The following MAP3K5 variants were observed in gnomAD, a reference collection of about 807,000 sequenced individuals.
The protein encoded by MAP3K5 is mitogen-activated protein kinase kinase kinase 5, also known as ASK-1.
A neutral mutation model predicts 158.7 loss-of-function variants in MAP3K5; 56 were observed. That is an observed-to-expected ratio of 0.35 (90% confidence interval 0.28 to 0.44). The LOEUF (loss-of-function observed/expected upper bound fraction) is 0.44, where lower values mean the gene tolerates loss of function less well. MAP3K5 is among the 20% of genes least tolerant of loss of function. MAP3K5 has a pLI of 1.00. For synonymous variants in MAP3K5, 579 were observed against 601.7 expected, an observed-to-expected ratio of 0.96 and a Z score of 0.55; for missense variants, 1,294 against 1,674.8, an observed-to-expected ratio of 0.77 and a Z score of 3.97.
chr6:136,650,709 A>G (rs1778481968), intron 11 of MAP3K5, among the ~76,000 whole-genome samples: 1 of 152,232 alleles, frequency 6.6e-6, no homozygotes, highest in Non-Finnish European at 1.5e-5. Flanking sequence ...ATGAATTTAC[A>G]AAAGAGAAAT....
intron 18 of MAP3K5, among the ~76,000 whole-genome samples, chr6:136,606,119 A>T (rs1196506039): frequency 6.6e-6 from 1 of 152,160 alleles, no homozygotes; most frequent in Non-Finnish European, 1.5e-5. Flanking sequence ...TTGGGAGGCC[A>T]AGGCAGACGG....
chr6:136,703,438 C>T lies in MAP3K5; in HGVS notation c.612+1672G>A, dbSNP rs117139350. 1.9e-3 allele frequency among the ~76,000 whole-genome samples: 295 copies of T among 152,282 alleles called. 7 individuals carry two copies. The East Asian group carries it at 0.036, about 18-fold the overall frequency. On this transcript the variant is annotated intron_variant, in intron 3 of 29. Transcript: ENST00000359015. ...TCTAATTTGTCTGCTTCTTTGTTCG[C>T]TGATTTTCTACCAATTAGACTGTCT...
At chr6:136,617,792 G>A (rs1284878078) in intron 15 of MAP3K5, among the ~76,000 whole-genome samples, 1 of 152,146 alleles carries the variant, frequency 6.6e-6, no homozygotes, top group Admixed American at 6.6e-5. Context: ...AATTAGCTGG[G>A]TGTAGTGGCA....
At chr6:136,612,604 A>C (rs1776391625) in intron 17 of MAP3K5, among the ~76,000 whole-genome samples, 1 of 152,200 alleles carries the variant, frequency 6.6e-6, no homozygotes, top group African/African-American at 2.4e-5. Flanking sequence ...TTTCTTTTTA[A>C]AAAGAGAATG....
intron 25 of MAP3K5, among the ~76,000 whole-genome samples, chr6:136,578,063 A>C (rs1007786291): frequency 6.6e-6 from 1 of 152,040 alleles, no homozygotes; most frequent in Admixed American, 6.6e-5. Flanking sequence ...TGTTTAACTC[A>C]TGGCCCATAC....
At chr6:136,665,046 G>T (rs368977000) in intron 8 of MAP3K5, among the ~76,000 whole-genome samples, 29 of 152,308 alleles carry the variant, frequency 1.9e-4, no homozygotes, top group Admixed American at 1.7e-3. Flanking sequence ...TACAAGGATG[G>T]ATCACTGACA....
At chr6:136,672,392 G>C (rs1257390557) in intron 7 of MAP3K5, among the ~76,000 whole-genome samples, 3 of 152,212 alleles carry the variant, frequency 2.0e-5, no homozygotes, top group Non-Finnish European at 4.4e-5. Flanking sequence ...TGCTGATTCT[G>C]ACCCTGAGAT....
chr6:136,632,943 A>C (rs1035173484), intron 14 of MAP3K5, among the ~76,000 whole-genome samples: 1 of 152,220 alleles, frequency 6.6e-6, no homozygotes, highest in African/African-American at 2.4e-5. Context: ...TGAGTCAAAA[A>C]ACATAGCCTT....
At chr6:136,701,159 T>C (rs1338006063) in intron 3 of MAP3K5, among the ~76,000 whole-genome samples, 1 of 152,186 alleles carries the variant, frequency 6.6e-6, no homozygotes, top group Admixed American at 6.5e-5. Flanking sequence ...TTTCTCTAGA[T>C]GGCATGTCCT....
In MAP3K5 at chr6:136,592,654, T is replaced by TA. The variant is rs1418318831; in HGVS notation, c.2879-41dup. On this transcript the variant is annotated intron_variant, in intron 21 of 29. Coordinates refer to ENST00000359015, the MANE Select transcript of MAP3K5 (RefSeq NM_005923.4). ...AGGAGGGAAAAGATAATTGACACTT[T>TA]AAAAAATGTACACATACTGAAACAC... is the stretch of plus-strand genomic sequence containing the variant. 1.9e-6 allele frequency: 3 copies of TA among 1,546,386 alleles called. No individual in the cohort carries two copies. In the Admixed American group the frequency reaches 5.1e-5, roughly 26 times the overall value.
intron 14 of MAP3K5, among the ~76,000 whole-genome samples, chr6:136,625,661 C>G (rs1777000734): frequency 6.6e-6 from 1 of 152,166 alleles, no homozygotes; most frequent in African/African-American, 2.4e-5. Flanking sequence ...GAGTGCCTGG[C>G]AGAAACAAAG....
intron 1 of MAP3K5, among the ~76,000 whole-genome samples, chr6:136,739,222 G>A (rs1162681013): frequency 6.6e-6 from 1 of 152,164 alleles, no homozygotes; most frequent in African/African-American, 2.4e-5. Context: ...TGCTGACCAG[G>A]CATTACAAAT....
At chr6:136,647,434 C>A (rs1778313967) in intron 11 of MAP3K5, among the ~76,000 whole-genome samples, 1 of 152,220 alleles carries the variant, frequency 6.6e-6, no homozygotes, top group Non-Finnish European at 1.5e-5. Context: ...AACCTTCACA[C>A]CTATGCACTT....
At chr6:136,713,098 A>C (rs995151949) in intron 2 of MAP3K5, among the ~76,000 whole-genome samples, 8 of 152,366 alleles carry the variant, frequency 5.3e-5, no homozygotes, top group Admixed American at 3.9e-4. Flanking sequence ...ACAATGCCAA[A>C]AAGATCAACT....
chr6:136,724,295 C>CTGGA (rs1273573194), intron 1 of MAP3K5, among the ~76,000 whole-genome samples: 1 of 148,622 alleles, frequency 6.7e-6, no homozygotes, highest in African/African-American at 2.5e-5. Flanking sequence ...GTCTCCCAGG[C>CTGGA]TGGAGTGCAG....
intron 12 of MAP3K5, among the ~76,000 whole-genome samples, chr6:136,642,030 A>AAAATAAAATAAAATAAAAT (rs1491266433): frequency 3.4e-5 from 4 of 119,340 alleles, no homozygotes; most frequent in Non-Finnish European, 6.7e-5. Flanking sequence ...AAAATAAAAT[A>AAAATAAAATAAAATAAAAT]AAAATAAAAT....
At chr6:136,569,089 A>T (rs1774250963) in intron 25 of MAP3K5, among the ~76,000 whole-genome samples, 1 of 152,182 alleles carries the variant, frequency 6.6e-6, no homozygotes, top group East Asian at 1.9e-4. Context: ...AATAAAGATC[A>T]TAAGGCTGAC....
At chr6:136,668,689 GA>G (rs1326717495) in intron 8 of MAP3K5, among the ~76,000 whole-genome samples, 8 of 152,030 alleles carry the variant, frequency 5.3e-5, no homozygotes. Context: ...AATTCCCAGG[GA>G]AAGGCAGCAG....
At chr6:136,761,582 C>G (rs969193533) in intron 1 of MAP3K5, among the ~76,000 whole-genome samples, 2 of 152,260 alleles carry the variant, frequency 1.3e-5, no homozygotes, top group Non-Finnish European at 2.9e-5. Context: ...CACAGAAGGA[C>G]AGATGTGCAC....
Sources: gnomAD v4.1 joint callset for allele counts (sites outside exome capture counted in the v4.1 genomes callset) on GRCh38, gnomAD v4.1.1 for gene constraint, MANE v1.5 for transcripts, NCBI Gene and HGNC (gene_info 2026-07-23, HGNC 2026-07-21) for gene names.